SLIT1: variants seen among roughly 807,000 people sequenced by gnomAD.
The protein encoded by SLIT1 is slit homolog 1 protein.
In SLIT1, 66 loss-of-function variants were observed where a neutral mutation model predicts 186.1. The ratio of observed to expected loss-of-function variants is 0.35; its 90% CI spans 0.29 to 0.44. The LOEUF (loss-of-function observed/expected upper bound fraction) is 0.44. Ranked by LOEUF, SLIT1 falls within the 20% of genes least tolerant of loss-of-function variation. The probability of loss-of-function intolerance (pLI) is 1.00; values close to 1 mark genes in which losing one functional copy is unlikely to be tolerated. For synonymous variants in SLIT1, 761 were observed against 833.8 expected, an observed-to-expected ratio of 0.91 and a Z score of 1.50; for missense variants, 1,638 against 2,037.4, an observed-to-expected ratio of 0.80 and a Z score of 3.77.
rs1346905930 is a variant in SLIT1 at position 97,001,081 on chromosome 10, C to A, written c.*31G>T. 2 of 1,587,600 alleles carry A rather than the reference C, an allele frequency of 1.3e-6. No homozygotes were observed. The highest frequency in any genetic ancestry group is 1.7e-6 in the Non-Finnish European group (2 of 1,159,802). ...CTGCTGCAGCGGCTGGGGCCCCTTG[C>A]CCGCCCTCACCGGCCTGTCCACGCC... On this transcript the variant is annotated 3_prime_UTR_variant, in exon 37 of 37. Coordinates refer to ENST00000266058, the MANE Select transcript of SLIT1 (RefSeq NM_003061.3).
intron 4 of SLIT1, among the ~76,000 whole-genome samples, chr10:97,083,386 C>T (rs778079033): frequency 2.6e-5 from 4 of 152,166 alleles, no homozygotes; most frequent in African/African-American, 4.8e-5. Context: ...TTCAAACTGA[C>T]GGGCAAGTGT....
intron 4 of SLIT1, among the ~76,000 whole-genome samples, chr10:97,081,178 G>A (rs1458131301): frequency 1.3e-5 from 2 of 152,192 alleles, no homozygotes; most frequent in Non-Finnish European, 2.9e-5. Flanking sequence ...AATGTGGTTT[G>A]AAAAGAGAGA....
chr10:97,166,623 G>GAAAAA (rs3979552), intron 1 of SLIT1, among the ~76,000 whole-genome samples: 1 of 42,678 alleles, frequency 2.3e-5, no homozygotes, highest in African/African-American at 9.6e-5. Context: ...AAGAAAGAAA[G>GAAAAA]AGAAAAGAAA....
chr10:97,009,847 GA>G (rs1848395752), intron 31 of SLIT1, among the ~76,000 whole-genome samples: 1 of 152,178 alleles, frequency 6.6e-6, no homozygotes, highest in African/African-American at 2.4e-5. Flanking sequence ...TTCCAAAGAA[GA>G]TATTTTTAAA....
At chr10:97,058,492 C>A (rs945205615) in intron 11 of SLIT1, among the ~76,000 whole-genome samples, 3 of 152,224 alleles carry the variant, frequency 2.0e-5, no homozygotes, top group Non-Finnish European at 2.9e-5. Context: ...AATCTGATCT[C>A]CTCAGCCAAT....
intron 4 of SLIT1, among the ~76,000 whole-genome samples, chr10:97,139,053 T>C (rs1465158710): frequency 1.3e-5 from 2 of 152,156 alleles, no homozygotes; most frequent in Non-Finnish European, 2.9e-5. Flanking sequence ...AGGCTTGTAA[T>C]GAGTTGGTCG....
chr10:97,117,074 A>G (rs1294805185), intron 4 of SLIT1, among the ~76,000 whole-genome samples: 2 of 152,200 alleles, frequency 1.3e-5, no homozygotes, highest in South Asian at 4.1e-4. Flanking sequence ...TGGCAGAGAC[A>G]TGCCAATACC....
chr10:97,086,080 A>G (rs746591600), intron 4 of SLIT1, among the ~76,000 whole-genome samples: 11 of 152,256 alleles, frequency 7.2e-5, no homozygotes, highest in Admixed American at 3.3e-4. Flanking sequence ...CTCTCACCAT[A>G]TGATCCAGTG....
intron 1 of SLIT1, among the ~76,000 whole-genome samples, chr10:97,166,692 G>A (rs1356514523): frequency 8.5e-5 from 13 of 152,062 alleles, no homozygotes; most frequent in African/African-American, 2.7e-4. Flanking sequence ...AAAAGAAAGA[G>A]CGAGCTTGAT....
chr10:97,162,670 T>C (rs943313538), intron 3 of SLIT1, among the ~76,000 whole-genome samples: 12 of 152,166 alleles, frequency 7.9e-5, no homozygotes, highest in African/African-American at 2.6e-4. Context: ...TTTAGCCATG[T>C]CTCTGATTAT....
At chr10:97,003,975 G>T in intron 34 of SLIT1, 93 bp downstream of exon 34, 4 of 1,156,724 alleles carry the variant, frequency 3.5e-6, no homozygotes, top group Non-Finnish European at 4.9e-6. Context: ...CTTCCCACTT[G>T]GCATTTCCCA....
chr10:97,133,828 T>C (rs534090529), intron 4 of SLIT1, among the ~76,000 whole-genome samples: 15 of 152,286 alleles, frequency 9.8e-5, no homozygotes, highest in Non-Finnish European at 2.2e-4. Flanking sequence ...GGATGTTTCA[T>C]AGGCCTGCTA....
intron 1 of SLIT1, among the ~76,000 whole-genome samples, chr10:97,178,464 G>A (rs1402693439): frequency 6.6e-6 from 1 of 152,166 alleles, no homozygotes; most frequent in Non-Finnish European, 1.5e-5. Flanking sequence ...AACAAAGAAA[G>A]GCTGAGGAGC....
At chr10:97,168,998 C>T (rs2134734247) in intron 1 of SLIT1, among the ~76,000 whole-genome samples, 1 of 152,280 alleles carries the variant, frequency 6.6e-6, no homozygotes, top group South Asian at 2.1e-4. Context: ...GCACACCTCT[C>T]TTCTCACCCT....
At chr10:97,159,608 G>A (rs1387925184) in intron 3 of SLIT1, among the ~76,000 whole-genome samples, 1 of 152,112 alleles carries the variant, frequency 6.6e-6, no homozygotes, top group Non-Finnish European at 1.5e-5. Flanking sequence ...AAAATTAAAG[G>A]ACACTAAAGA....
chr10:97,119,077 T>C (rs1849534738), intron 4 of SLIT1, among the ~76,000 whole-genome samples: 1 of 152,198 alleles, frequency 6.6e-6, no homozygotes, highest in African/African-American at 2.4e-5. Flanking sequence ...CTGGGGTCTC[T>C]TGTGTTCCCC....
intron 3 of SLIT1, among the ~76,000 whole-genome samples, chr10:97,160,523 C>A (rs1850012045): frequency 1.3e-5 from 2 of 152,154 alleles, no homozygotes; most frequent in Non-Finnish European, 2.9e-5. Flanking sequence ...CTTCCAGAAA[C>A]CAAACCCAAA....
intron 13 of SLIT1, among the ~76,000 whole-genome samples, chr10:97,052,090 G>GTTT (rs773462819): frequency 8.5e-6 from 1 of 118,156 alleles, no homozygotes; most frequent in African/African-American, 3.2e-5. Context: ...GTATGATTCG[G>GTTT]TTTTTTTTTG....
At chr10:97,163,721 T>C (rs1350310083) in intron 2 of SLIT1, among the ~76,000 whole-genome samples, 1 of 152,204 alleles carries the variant, frequency 6.6e-6, no homozygotes, top group Non-Finnish European at 1.5e-5. Flanking sequence ...CCTGACCCTC[T>C]GAAGCTGCCT....
Sources: allele counts gnomAD v4.1 joint callset (sites outside exome capture counted in the v4.1 genomes callset), GRCh38; gene constraint gnomAD v4.1.1; transcripts MANE v1.5; gene names NCBI Gene and HGNC (gene_info 2026-07-23, HGNC 2026-07-21).